Variants in MMP16 observed in about 807,000 individuals in gnomAD.
The protein encoded by MMP16 is matrix metallopeptidase 16, also known as matrix metalloproteinase-16.
In MMP16, 12 loss-of-function variants were observed where a neutral mutation model predicts 67.8. That is an observed-to-expected ratio of 0.18 (90% CI 0.11 to 0.29). The LOEUF (loss-of-function observed/expected upper bound fraction) is 0.29. Among genes scored for constraint, MMP16 ranks in the 10% least tolerant of loss-of-function variants. The probability of loss-of-function intolerance (pLI) is 1.00; values close to 1 mark genes in which losing one functional copy is unlikely to be tolerated. For synonymous variants in MMP16, 249 were observed against 255.9 expected (o/e 0.97, Z 0.26); for missense variants, 475 against 765.7 (o/e 0.62, Z 4.48).
chr8:88,236,751 A>ACCCTTT (rs1186286932), intron 1 of MMP16, among the ~76,000 whole-genome samples: 6 of 137,058 alleles, frequency 4.4e-5, no homozygotes, highest in East Asian at 2.8e-4. Context: ...CTGAAAAATA[A>ACCCTTT]CAACAACAAA....
At chr8:88,260,564 C>T (rs1055059454) in intron 1 of MMP16, among the ~76,000 whole-genome samples, 3 of 151,966 alleles carry the variant, frequency 2.0e-5, no homozygotes, top group African/African-American at 7.2e-5. Context: ...ATTATCTCTC[C>T]ATAGTCTAAA....
intron 1 of MMP16, among the ~76,000 whole-genome samples, chr8:88,268,183 A>C (rs914689059): frequency 2.0e-5 from 3 of 152,102 alleles, no homozygotes; most frequent in African/African-American, 7.2e-5. Flanking sequence ...TCTCTACTAA[A>C]AATACAAAAG....
rs1382078614 is a variant in MMP16, at chr8:88,167,972, T to A, written c.406A>T (p.Ile136Leu). The A allele has an allele frequency of 6.3e-7, 1 of 1,597,980 alleles. No homozygotes were observed. Among genetic ancestry groups the A allele is most frequent in the Non-Finnish European group, 8.5e-7 (1 of 1,172,380 alleles). The change falls in exon 4 of 10, where the codon ATA becomes TTA. Residue 136 changes from isoleucine (I) to leucine (L), a missense_variant and splice_region_variant. By Grantham distance (5) the Ile-to-Leu change is conservative. Transcript: ENST00000286614. ...CCTACTTTTGGAGTTACGTTCTTTA[T>A]ACTGAAAGTTAGAAAATATAATCAT... Reference protein sequence around the residue: ...KWQHKHITYSIKNVTPKVGDP... With the variant: ...KWQHKHITYSLKNVTPKVGDP...
intron 4 of MMP16, among the ~76,000 whole-genome samples, chr8:88,133,469 G>C (rs973663541): frequency 2.0e-5 from 3 of 151,604 alleles, no homozygotes; most frequent in African/African-American, 7.3e-5. Context: ...GCTAGTGATG[G>C]GTAAACTGAA....
At chr8:88,318,239 TA>T in intron 1 of MMP16, among the ~76,000 whole-genome samples, 1 of 152,322 alleles carries the variant, frequency 6.6e-6, no homozygotes, top group South Asian at 2.1e-4. Context: ...TAAACTGCAA[TA>T]TAACAAATAA....
intron 1 of MMP16, among the ~76,000 whole-genome samples, chr8:88,322,444 C>T (rs918067678): frequency 1.3e-5 from 2 of 152,020 alleles, no homozygotes; most frequent in Admixed American, 1.3e-4. Flanking sequence ...TCTTCCTATA[C>T]CAATTGATAT....
At chr8:88,187,118 C>A (rs953061445) in intron 2 of MMP16, among the ~76,000 whole-genome samples, 1 of 152,108 alleles carries the variant, frequency 6.6e-6, no homozygotes, top group Admixed American at 6.6e-5. Context: ...ATTTCTCTAC[C>A]TTTTCTTCTT....
chr8:88,150,699 G>A (rs1384875857), intron 4 of MMP16, among the ~76,000 whole-genome samples: 1 of 133,584 alleles, frequency 7.5e-6, no homozygotes, highest in Non-Finnish European at 1.6e-5. Context: ...CCCTAAAAGA[G>A]CTCCTGAAGG....
Position 88,116,699 on chromosome 8 carries a change from A to T in MMP16, c.891T>A (p.Pro297=). 2 of 1,613,622 alleles carry T rather than the reference A, an allele frequency of 1.2e-6. No homozygotes were observed. Among genetic ancestry groups the T allele is most frequent in the Non-Finnish European group, 1.7e-6 (2 of 1,179,762 alleles). Residue 297 remains proline (P), a synonymous_variant, in exon 6 of 10, where the codon CCT becomes CCA. Transcript: ENST00000286614. ...CTGTCGGTAGAGGTCTTGTAGGTGG[A>T]GGAATCTTGTCAGGTGGACCTTTTG... ...QKIYGPPDKI[P]PPTRPLPTVP...
chr8:88,112,126 T>C (rs1460822827), intron 6 of MMP16, among the ~76,000 whole-genome samples: 1 of 151,612 alleles, frequency 6.6e-6, no homozygotes, highest in Non-Finnish European at 1.5e-5. Context: ...AGTTCTAGTG[T>C]AAAGTACTAG....
At chr8:88,162,947 A>G (rs1033027755) in intron 4 of MMP16, among the ~76,000 whole-genome samples, 3 of 152,036 alleles carry the variant, frequency 2.0e-5, no homozygotes, top group South Asian at 2.1e-4. Context: ...GTAGTTCTTT[A>G]TATCAGTGTG....
chr8:88,163,188 A>G (rs1808658609), intron 4 of MMP16, among the ~76,000 whole-genome samples: 1 of 152,088 alleles, frequency 6.6e-6, no homozygotes, highest in Non-Finnish European at 1.5e-5. Flanking sequence ...AGTTACAGAA[A>G]GCTAACTCTC....
chr8:88,264,232 T>C (rs1810439535), intron 1 of MMP16, among the ~76,000 whole-genome samples: 1 of 152,178 alleles, frequency 6.6e-6, no homozygotes, highest in African/African-American at 2.4e-5. Flanking sequence ...GGAATCTCAC[T>C]GTGTTCTCCC....
Position 88,228,138 on chromosome 8 carries a change from G to A in MMP16, c.133-30832C>T, listed in dbSNP as rs190184974. 4.9e-3 allele frequency among the ~76,000 whole-genome samples: 739 copies of A among 152,098 alleles called. 4 individuals carry two copies. Among genetic ancestry groups the A allele is most frequent in the Middle Eastern group, 0.034 (10 of 294 alleles). On this transcript the variant is annotated intron_variant, in intron 1 of 9. Coordinates refer to ENST00000286614, the MANE Select transcript of MMP16 (RefSeq NM_005941.5). ...CATTACAATCGTCAATGCTAAAAAGGGAGCACTGAATCAAGCATTCTCATA... is the reference window on the plus strand; with the variant it reads ...CATTACAATCGTCAATGCTAAAAAGAGAGCACTGAATCAAGCATTCTCATA...
intron 1 of MMP16, among the ~76,000 whole-genome samples, chr8:88,230,637 T>C (rs972987082): frequency 2.0e-5 from 3 of 151,918 alleles, no homozygotes; most frequent in Non-Finnish European, 2.9e-5. Context: ...TGCCATTTTA[T>C]ACAGTGGGTG....
Position 88,256,672 on chromosome 8 carries a change from T to TCC in MMP16, c.133-59367_133-59366insGG, listed in dbSNP as rs71752620. On this transcript the variant is annotated intron_variant, in intron 1 of 9. Coordinates refer to ENST00000286614, the MANE Select transcript of MMP16 (RefSeq NM_005941.5). ...CTTCCATAATCACCCCATCTCTCTC[T>TCC]CTCTCTCTCTCTCACACACACACAC... is the stretch of plus-strand genomic sequence containing the variant. Among the ~76,000 whole-genome samples the TCC allele has an allele frequency of 3.5e-4, 52 of 148,060 alleles. 1 individual carries two copies. The highest frequency in any genetic ancestry group is 1.2e-3 in the African/African-American group (50 of 40,580).
At chr8:88,277,033 T>C (rs555662276) in intron 1 of MMP16, among the ~76,000 whole-genome samples, 1 of 152,284 alleles carries the variant, frequency 6.6e-6, no homozygotes, top group Non-Finnish European at 1.5e-5. Flanking sequence ...ATATTGGATA[T>C]TATTAAAATT....
chr8:88,222,226 G>A (rs1184131050), intron 1 of MMP16, among the ~76,000 whole-genome samples: 3 of 151,704 alleles, frequency 2.0e-5, no homozygotes, highest in Non-Finnish European at 4.4e-5. Flanking sequence ...ACTATAAATA[G>A]CAACCTTCAT....
intron 1 of MMP16, among the ~76,000 whole-genome samples, chr8:88,215,287 A>G (rs907911764): frequency 2.0e-5 from 3 of 151,462 alleles, no homozygotes; most frequent in Non-Finnish European, 4.4e-5. Flanking sequence ...CTGAGATCGC[A>G]CTCCAGCCTG....
Sources: gnomAD v4.1 joint callset for allele counts (sites outside exome capture counted in the v4.1 genomes callset) on GRCh38, gnomAD v4.1.1 for gene constraint, MANE v1.5 for transcripts, NCBI Gene and HGNC (gene_info 2026-07-23, HGNC 2026-07-21) for gene names.